The following KHDC1 variants were observed in gnomAD, a reference collection of about 807,000 sequenced individuals.
The protein encoded by KHDC1 is KH domain containing 1.
Under a neutral mutation model 24.7 loss-of-function variants are expected in KHDC1, and 21 were observed. The ratio of observed to expected loss-of-function variants is 0.85; its 90% CI spans 0.60 to 1.23. The LOEUF is 1.23. Among genes scored for constraint, KHDC1 ranks in the 50% most tolerant of loss-of-function variants. KHDC1 has a pLI of 0.00. For synonymous variants in KHDC1, 98 were observed against 111.7 expected, an observed-to-expected ratio of 0.88 and a Z score of 0.77; for missense variants, 274 against 298.5, an observed-to-expected ratio of 0.92 and a Z score of 0.61.
At chr6:73,281,995 A>G (rs1323469067) in intron 2 of KHDC1, among the ~76,000 whole-genome samples, 2 of 151,918 alleles carry the variant, frequency 1.3e-5, no homozygotes, top group Non-Finnish European at 2.9e-5. Context: ...AGGTGGGTGG[A>G]TCACTTGAGG....
chr6:73,267,905 C>CA (rs2150587362), intron 2 of KHDC1: 1 of 152,120 alleles, frequency 6.6e-6, no homozygotes, highest in South Asian at 2.1e-4. Context: ...GGCACAATCT[C>CA]AGCTCACTGC....
At chr6:73,261,543 G>C (rs913367479) in intron 2 of KHDC1, among the ~76,000 whole-genome samples, 2 of 151,980 alleles carry the variant, frequency 1.3e-5, no homozygotes, top group African/African-American at 4.8e-5. Context: ...GTCGAGGCGG[G>C]CGGACCCCTT....
intron 1 of KHDC1, among the ~76,000 whole-genome samples, chr6:73,298,775 T>C (rs558884192): frequency 6.2e-4 from 95 of 152,076 alleles, no homozygotes; most frequent in African/African-American, 2.2e-3. Flanking sequence ...TTCCGCTCTG[T>C]CACCCAGTCT....
At chr6:73,282,276 A>G (rs1368726580) in intron 2 of KHDC1, among the ~76,000 whole-genome samples, 1 of 151,636 alleles carries the variant, frequency 6.6e-6, no homozygotes, top group Non-Finnish European at 1.5e-5. Flanking sequence ...TCATGATTAG[A>G]CTGGGATTAG....
intron 2 of KHDC1, among the ~76,000 whole-genome samples, chr6:73,283,696 A>G (rs1173110127): frequency 6.9e-6 from 1 of 144,498 alleles, no homozygotes; most frequent in Non-Finnish European, 1.5e-5. Flanking sequence ...GCTGGAGTGC[A>G]GTGGCGCGAT....
intron 2 of KHDC1, among the ~76,000 whole-genome samples, chr6:73,253,481 A>C (rs904797589): frequency 6.6e-6 from 1 of 152,092 alleles, no homozygotes; most frequent in Non-Finnish European, 1.5e-5. Context: ...TGAACCCAGG[A>C]GGCAGAGCTT....
chr6:73,294,880 G>C (rs761114249), intron 1 of KHDC1, among the ~76,000 whole-genome samples: 2 of 152,094 alleles, frequency 1.3e-5, no homozygotes, highest in Non-Finnish European at 2.9e-5. Context: ...AAAAGCATGT[G>C]GCATGGCTCA....
chr6:73,268,744 C>T (rs1767122759), intron 2 of KHDC1: 1 of 152,476 alleles, frequency 6.6e-6, no homozygotes, highest in Middle Eastern at 3.4e-3. Context: ...GGTGTATTTA[C>T]AATCCCTGAG....
At position 73,262,907 on chromosome 6, in the gene KHDC1, G is replaced by A. The variant is rs970978955; in HGVS notation, c.207-20377C>T. On this transcript the variant is annotated intron_variant, in intron 2 of 4. Transcript: ENST00000370384. ...CTCAGTGATGCCGCCGGGAACCCAG[G>A]CTTCTCTGTCCCTTCACCGGACTAA... is the stretch of plus-strand genomic sequence containing the variant. 8.1e-6 allele frequency: 8 copies of A among 986,978 alleles called. 1 individual carries two copies. The highest frequency in any genetic ancestry group is 5.2e-4 in the Middle Eastern group (1 of 1,914). The allele number at this position is 986,978 out of a possible 1,614,324, so 61.1% of individuals were successfully genotyped here. A position where few individuals can be genotyped will look rare whatever the true frequency, so the allele number is the denominator to read the frequency against.
exon 1 of KHDC1, chr6:73,309,636 T>G: frequency 6.5e-7 from 1 of 1,549,900 alleles, no homozygotes; most frequent in South Asian, 1.2e-5. Flanking sequence ...CATCCATAAA[T>G]GAAGATCAGG....
intron 1 of KHDC1, chr6:73,299,059 T>A (rs1388846301): frequency 6.6e-6 from 1 of 152,134 alleles, no homozygotes; most frequent in Non-Finnish European, 1.5e-5. Context: ...TCTTTCAGGG[T>A]CCACGAGGCT....
Position 73,309,510 on chromosome 6 carries a change from G to C in KHDC1, c.163+42C>G, listed in dbSNP as rs1768038853. On this transcript the variant is annotated intron_variant, in intron 1 of 4. Transcript: ENST00000370384. Reference sequence around the variant, plus strand: ...GAAACTCGCCTTTCCGGGCACCTGGGTGAAGGAAGCTTTTCCTACCAGGGC... The same window carrying C: ...GAAACTCGCCTTTCCGGGCACCTGGCTGAAGGAAGCTTTTCCTACCAGGGC... The C allele has an allele frequency of 2.7e-6, 4 of 1,480,626 alleles. No homozygotes were observed. In the East Asian group the frequency reaches 7.5e-5, roughly 28 times the overall value. 91.7% of individuals were successfully genotyped at this position (1,480,626 alleles called of 1,614,324 possible). A position where few individuals can be genotyped will look rare whatever the true frequency, so the allele number is the denominator to read the frequency against.
chr6:73,283,960 T>G (rs1024045222), intron 2 of KHDC1, among the ~76,000 whole-genome samples: 2 of 152,016 alleles, frequency 1.3e-5, no homozygotes, highest in African/African-American at 4.8e-5. Flanking sequence ...TTGCAAAGAT[T>G]ATGACACCGA....
intron 1 of KHDC1, chr6:73,292,697 CA>C (rs1767678869): frequency 2.7e-6 from 2 of 750,066 alleles, no homozygotes; most frequent in Non-Finnish European, 5.0e-6. Context: ...AATGTGTCCA[CA>C]CATTCTTCAC....
At chr6:73,266,633 C>G (rs1454571813) in intron 2 of KHDC1, among the ~76,000 whole-genome samples, 1 of 152,152 alleles carries the variant, frequency 6.6e-6, no homozygotes, top group Non-Finnish European at 1.5e-5. Flanking sequence ...TAAAGTGGAT[C>G]AAAGACCTAA....
At chr6:73,253,685 G>A (rs1766824898) in intron 2 of KHDC1, among the ~76,000 whole-genome samples, 1 of 152,058 alleles carries the variant, frequency 6.6e-6, no homozygotes, top group African/African-American at 2.4e-5. Flanking sequence ...GATCACTTGA[G>A]CCAAGGAGCT....
At chr6:73,263,173 CGCGAGGCGCGCTCGAGCGGAAGT>C in intron 2 of KHDC1, 4 of 986,902 alleles carry the variant, frequency 4.1e-6, no homozygotes, top group Non-Finnish European at 4.8e-6. Context: ...GCCGCGGCCG[CGCGAGGCGCGCTCGAGCGGAAGT>C]GGCGGCGACC....
chr6:73,242,132 C>G (rs757467678), exon 4 of KHDC1: 1 of 1,614,194 alleles, frequency 6.2e-7, no homozygotes, highest in Non-Finnish European at 8.5e-7. Flanking sequence ...CCTGTGTGGT[C>G]CGACTACAGT....
intron 2 of KHDC1, among the ~76,000 whole-genome samples, chr6:73,242,839 C>G (rs1473488781): frequency 6.6e-6 from 1 of 152,022 alleles, no homozygotes; most frequent in Non-Finnish European, 1.5e-5. Context: ...GGGTATGAAC[C>G]AGGACAGGGG....
Sources: allele counts gnomAD v4.1 joint callset (sites outside exome capture counted in the v4.1 genomes callset), GRCh38; gene constraint gnomAD v4.1.1; transcripts MANE v1.5; gene names NCBI Gene and HGNC (gene_info 2026-07-23, HGNC 2026-07-21).